The following TRABD2A variants were observed in gnomAD, a reference collection of about 807,000 sequenced individuals.
TRABD2A encodes metalloprotease TIKI1.
A neutral mutation model predicts 45.6 loss-of-function variants in TRABD2A; 43 were observed. That is an observed-to-expected ratio of 0.94 (90% CI 0.74 to 1.22). The LOEUF (loss-of-function observed/expected upper bound fraction) is 1.22. Ranked by LOEUF, TRABD2A falls within the 50% of genes most tolerant of loss-of-function variation. The pLI is 0.00. For synonymous variants in TRABD2A, 269 were observed against 265.0 expected, an observed-to-expected ratio of 1.02 and a Z score of -0.15; for missense variants, 642 against 652.4, an observed-to-expected ratio of 0.98 and a Z score of 0.17.
intron 5 of TRABD2A, among the ~76,000 whole-genome samples, chr2:84,827,863 C>T (rs1681195658): frequency 6.6e-6 from 1 of 152,174 alleles, no homozygotes; most frequent in South Asian, 2.1e-4. Flanking sequence ...TGTGGGCAGC[C>T]TCTAGAAGCT....
intron 2 of TRABD2A, among the ~76,000 whole-genome samples, chr2:84,865,893 C>G (rs1286838117): frequency 2.6e-5 from 4 of 152,210 alleles, no homozygotes; most frequent in Non-Finnish European, 5.9e-5. Flanking sequence ...CCTCCAGGTC[C>G]AAGCTATGTG....
chr2:84,865,097 G>A (rs1024848208), intron 2 of TRABD2A, among the ~76,000 whole-genome samples: 12 of 152,072 alleles, frequency 7.9e-5, no homozygotes, highest in East Asian at 1.9e-4. Flanking sequence ...TTAGGTGACC[G>A]ACCAAACTAA....
At chr2:84,863,980 G>A (rs1347651932) in intron 2 of TRABD2A, among the ~76,000 whole-genome samples, 1 of 151,756 alleles carries the variant, frequency 6.6e-6, no homozygotes, top group Non-Finnish European at 1.5e-5. Flanking sequence ...TGGAAAATGT[G>A]GAAAAGTCAT....
intron 2 of TRABD2A, among the ~76,000 whole-genome samples, chr2:84,854,288 C>T (rs749059352): frequency 6.6e-6 from 1 of 152,032 alleles, no homozygotes; most frequent in Non-Finnish European, 1.5e-5. Flanking sequence ...GGTCTTGGAA[C>T]CAATCCCCCA....
intron 2 of TRABD2A, among the ~76,000 whole-genome samples, chr2:84,860,475 C>T (rs1309246237): frequency 2.0e-5 from 3 of 152,126 alleles, no homozygotes; most frequent in East Asian, 1.9e-4. Context: ...CCAGCCTTGC[C>T]GACACTAGAA....
intron 2 of TRABD2A, among the ~76,000 whole-genome samples, chr2:84,868,713 C>T (rs554179685): frequency 1.3e-5 from 2 of 152,304 alleles, no homozygotes; most frequent in East Asian, 3.9e-4. Flanking sequence ...TGCACACCTT[C>T]CTTCAAAGAT....
At chr2:84,836,508 T>C (rs1400493007) in intron 4 of TRABD2A, 2 of 152,230 alleles carry the variant, frequency 1.3e-5, no homozygotes, top group Admixed American at 6.5e-5. Context: ...TGACACGCCT[T>C]GGTGTGAAAC....
chr2:84,866,854 G>C (rs942492534), intron 2 of TRABD2A, among the ~76,000 whole-genome samples: 2 of 152,164 alleles, frequency 1.3e-5, no homozygotes, highest in Non-Finnish European at 2.9e-5. Context: ...GGAGACTGAG[G>C]CAGGAAGATC....
In TRABD2A at chr2:84,830,705, T is replaced by C. The variant is rs1454916029; in HGVS notation, c.1082+1350A>G. Among the ~76,000 whole-genome samples the C allele has an allele frequency of 6.6e-6, 1 of 152,104 alleles. No individual in the cohort carries two copies. The highest frequency in any genetic ancestry group is 2.4e-5 in the African/African-American group (1 of 41,410). ...GGGCGGTCAGTATTGACATACTGAA[T>C]ACAGGGCATGAAGACAGGTGGGGAT... On this transcript the variant is annotated intron_variant, in intron 5 of 6. Transcript: ENST00000409520. The surrounding 1 kb of genome is among the most constrained non-coding windows in gnomAD (Gnocchi z 4.9).
intron 6 of TRABD2A, among the ~76,000 whole-genome samples, chr2:84,822,974 A>G (rs1681041762): frequency 6.6e-6 from 1 of 151,984 alleles, no homozygotes; most frequent in African/African-American, 2.4e-5. Flanking sequence ...AGGCTTTCAC[A>G]TTGTTCCCTC....
At chr2:84,845,408 G>A (rs747644576) in intron 2 of TRABD2A, among the ~76,000 whole-genome samples, 2 of 152,144 alleles carry the variant, frequency 1.3e-5, no homozygotes, top group African/African-American at 2.4e-5. Context: ...AATGATTTAA[G>A]ATATCAGGTA....
intron 5 of TRABD2A, among the ~76,000 whole-genome samples, chr2:84,825,201 G>T (rs1417967256): frequency 2.6e-5 from 4 of 152,172 alleles, no homozygotes; most frequent in Non-Finnish European, 4.4e-5. Context: ...GTCCAATGAT[G>T]TAGGTGCCAC....
Position 84,830,820 on chromosome 2 carries a change from C to T in TRABD2A, c.1082+1235G>A, listed in dbSNP as rs747169392. Among the ~76,000 whole-genome samples the T allele has an allele frequency of 2.0e-5, 3 of 152,118 alleles. No homozygotes were observed. The highest frequency in any genetic ancestry group is 4.4e-5 in the Non-Finnish European group (3 of 68,020). On this transcript the variant is annotated intron_variant, in intron 5 of 6. Coordinates refer to ENST00000409520, the MANE Select transcript of TRABD2A (RefSeq NM_001277053.2). The surrounding 1 kb of genome is among the most constrained non-coding windows in gnomAD (Gnocchi z 4.9). ...TGAGGGGGAACAGGGAGACAAGGTG[C>T]AGTGAAGGGGGGCCTTCTGAGGAGA... is the stretch of plus-strand genomic sequence containing the variant.
chr2:84,878,334 G>A (rs371312607), intron 1 of TRABD2A, among the ~76,000 whole-genome samples: 1 of 152,152 alleles, frequency 6.6e-6, no homozygotes, highest in East Asian at 1.9e-4. Context: ...AGACCAGCCT[G>A]CTCAAGATAG....
chr2:84,848,371 TAGATAGACAGACAGACAGAC>T (rs1472655061), intron 2 of TRABD2A, among the ~76,000 whole-genome samples: 7 of 107,576 alleles, frequency 6.5e-5, no homozygotes, highest in Non-Finnish European at 9.7e-5. Context: ...GATAGATAGA[TAGATAGACAGACAGACAGAC>T]AGACAGACAG....
At chr2:84,878,084 T>C (rs936662952) in intron 1 of TRABD2A, among the ~76,000 whole-genome samples, 1 of 152,134 alleles carries the variant, frequency 6.6e-6, no homozygotes, top group Admixed American at 6.6e-5. Context: ...AGGCAGATGG[T>C]AGTGGTGGCA....
intron 2 of TRABD2A, among the ~76,000 whole-genome samples, chr2:84,844,270 A>G (rs563900489): frequency 4.7e-4 from 71 of 152,218 alleles, no homozygotes; most frequent in African/African-American, 1.6e-3. Flanking sequence ...TGAATCATGG[A>G]GGTAGGTCTT....
At chr2:84,850,635 C>G (rs1409885086) in intron 2 of TRABD2A, 1 of 152,164 alleles carries the variant, frequency 6.6e-6, no homozygotes, top group African/African-American at 2.4e-5. Flanking sequence ...CATCAAAAAA[C>G]AGGTGGCGCC....
intron 5 of TRABD2A, among the ~76,000 whole-genome samples, chr2:84,827,049 C>A (rs974162111): frequency 6.6e-6 from 1 of 152,172 alleles, no homozygotes. Context: ...TAGAAAATCC[C>A]AGCTGCTGAA....
Sources: gnomAD v4.1 joint callset for allele counts (sites outside exome capture counted in the v4.1 genomes callset) on GRCh38, gnomAD v4.1.1 for gene constraint, Gnocchi (gnomAD v3.1) non-coding constraint, MANE v1.5 for transcripts, NCBI Gene and HGNC (gene_info 2026-07-23, HGNC 2026-07-21) for gene names.